Variants in UHRF1 observed in about 807,000 individuals in gnomAD.
The protein encoded by UHRF1 is ubiquitin like with PHD and ring finger domains 1.
In UHRF1, 9 loss-of-function variants were observed where a neutral mutation model predicts 96.5. That is an observed-to-expected ratio of 0.09 (90% confidence interval 0.06 to 0.16). The LOEUF (loss-of-function observed/expected upper bound fraction) is 0.16, where lower values mean the gene tolerates loss of function less well. UHRF1 is among the 10% of genes least tolerant of loss of function. The pLI, the probability that UHRF1 is intolerant of heterozygous loss-of-function variation, is 1.00. For synonymous variants in UHRF1, 455 were observed against 469.9 expected (o/e 0.97, Z 0.41); for missense variants, 626 against 1,131.1 (o/e 0.55, Z 6.40).
At chr19:4,934,839 A>T (rs1341498917) in intron 5 of UHRF1, among the ~76,000 whole-genome samples, 1 of 151,888 alleles carries the variant, frequency 6.6e-6, no homozygotes, top group Non-Finnish European at 1.5e-5. Flanking sequence ...CTCCTCACTG[A>T]GTCTGGGCCT....
chr19:4,947,316 G>A, intron 11 of UHRF1, 105 bp downstream of exon 11: 1 of 1,050,330 alleles, frequency 9.5e-7, no homozygotes. Flanking sequence ...TTAGGAGCGT[G>A]GTAGAACATA....
intron 15 of UHRF1, among the ~76,000 whole-genome samples, chr19:4,955,565 C>T (rs1215791747): frequency 2.0e-5 from 3 of 152,078 alleles, no homozygotes; most frequent in Non-Finnish European, 2.9e-5. Flanking sequence ...TCAGCTGTGG[C>T]CGAGGCCATC....
rs538818267 is a variant in UHRF1 at position 4,927,055 on chromosome 19, C to T, written c.154-2167C>T. Among the ~76,000 whole-genome samples, 21 of 151,546 alleles carry T rather than the reference C, an allele frequency of 1.4e-4. No homozygotes were observed. The East Asian group carries it at 1.9e-3, about 14-fold the overall frequency. On this transcript the variant is annotated intron_variant, in intron 2 of 16. Coordinates refer to ENST00000650932, the MANE Select transcript of UHRF1 (RefSeq NM_001048201.3). ...CAGCCTGGGCGACAGAGCAAGATTC[C>T]GCCTCAAAACAAAAAACAAAACAAA...
At chr19:4,911,161 C>G (rs992031933) in intron 2 of UHRF1, 123 bp downstream of exon 2, 7 of 947,096 alleles carry the variant, frequency 7.4e-6, no homozygotes, top group Non-Finnish European at 1.5e-6. Flanking sequence ...CCCACTTCAT[C>G]TCTCCCGGAA....
upstream of UHRF1, among the ~76,000 whole-genome samples, chr19:4,905,669 C>T (rs2032052040): frequency 6.6e-6 from 1 of 151,982 alleles, no homozygotes; most frequent in Non-Finnish European, 1.5e-5. Flanking sequence ...AGGCACGTGC[C>T]ACCACATCTG....
At chr19:4,908,510 C>CT (rs2032122137), upstream of UHRF1, among the ~76,000 whole-genome samples, 1 of 152,124 alleles carries the variant, frequency 6.6e-6, no homozygotes, top group African/African-American at 2.4e-5. Context: ...CAGCCCCTTC[C>CT]TGCTCCCTGG....
chr19:4,927,088 A>C (rs1337536044), intron 2 of UHRF1, among the ~76,000 whole-genome samples: 3 of 150,554 alleles, frequency 2.0e-5, no homozygotes, highest in Non-Finnish European at 3.0e-5. Flanking sequence ...AAAACAAAAC[A>C]AAAAAAAACA....
upstream of UHRF1, among the ~76,000 whole-genome samples, chr19:4,907,460 G>T (rs1796990253): frequency 6.6e-6 from 1 of 151,974 alleles, no homozygotes; most frequent in African/African-American, 2.4e-5. Flanking sequence ...GTAGAGATGG[G>T]GTTTCACCAT....
chr19:4,955,507 T>C (rs895593096), intron 15 of UHRF1, among the ~76,000 whole-genome samples: 2 of 151,956 alleles, frequency 1.3e-5, no homozygotes, highest in African/African-American at 2.4e-5. Flanking sequence ...CTGCCATTTC[T>C]CCTCTGCTGT....
At chr19:4,909,331 AGCCGTGGCCCACTAGGCGGAGGC>A (rs2032151921), upstream of UHRF1, 1 of 580,112 alleles carries the variant, frequency 1.7e-6, no homozygotes. Flanking sequence ...GGCTGGGCGG[AGCCGTGGCCCACTAGGCGGAGGC>A]GCCGTGGACA....
chr19:4,943,219 A>G (rs2033459307), intron 7 of UHRF1, among the ~76,000 whole-genome samples: 1 of 151,968 alleles, frequency 6.6e-6, no homozygotes, highest in Admixed American at 6.6e-5. Flanking sequence ...AAGCCTGGCG[A>G]CAGAGTGAGA....
chr19:4,922,657 T>C (rs546557406), intron 2 of UHRF1, among the ~76,000 whole-genome samples: 1 of 152,344 alleles, frequency 6.6e-6, no homozygotes, highest in African/African-American at 2.4e-5. Flanking sequence ...GCTTCCTCCT[T>C]CGCGCTTCGG....
Position 4,954,573 on chromosome 19 carries a change from G to A in UHRF1, c.1958-77G>A. The A allele has an allele frequency of 6.3e-7, 1 of 1,589,248 alleles. No individual in the cohort carries two copies. The highest frequency in any genetic ancestry group is 8.6e-7 in the Non-Finnish European group (1 of 1,166,362). On this transcript the variant is annotated intron_variant, in intron 14 of 16. Coordinates refer to ENST00000650932, the MANE Select transcript of UHRF1 (RefSeq NM_001048201.3). This position sits in a 1 kb window ranked among gnomAD's most constrained non-coding sequence, Gnocchi z 5.9. ...CGCGGGTGTGGGGTTGAGGTCGTGT[G>A]GACGTGGGAGCCGGTGGCTGTCTCT... is the stretch of plus-strand genomic sequence containing the variant.
intron 16 of UHRF1, among the ~76,000 whole-genome samples, chr19:4,959,608 C>T (rs969457560): frequency 5.3e-5 from 8 of 152,260 alleles, no homozygotes; most frequent in Admixed American, 1.3e-4. Flanking sequence ...CTTCCCCAGG[C>T]ACGACTTGGT....
intron 15 of UHRF1, among the ~76,000 whole-genome samples, chr19:4,955,678 C>T (rs373712142): frequency 1.6e-4 from 24 of 152,230 alleles, no homozygotes; most frequent in African/African-American, 5.5e-4. Flanking sequence ...CCTAGACCTT[C>T]ACTTGTGTCT....
At chr19:4,932,714 G>C (rs1387937109) in intron 4 of UHRF1, 27 bp from the exon 5 acceptor site, 1 of 1,611,062 alleles carries the variant, frequency 6.2e-7, no homozygotes, top group Non-Finnish European at 8.5e-7. Flanking sequence ...CTTAGCACGG[G>C]GTCTAAGGCC....
At chr19:4,912,257 G>A (rs917505225) in intron 2 of UHRF1, among the ~76,000 whole-genome samples, 1 of 152,186 alleles carries the variant, frequency 6.6e-6, no homozygotes, top group Non-Finnish European at 1.5e-5. Context: ...GAGGAGCTCC[G>A]CCTGGCGCTC....
In UHRF1 at chr19:4,930,939, G is replaced by A; in HGVS notation, c.569+63G>A. 36 of 1,595,764 alleles carry A rather than the reference G, an allele frequency of 2.3e-5. No individual in the cohort carries two copies. The highest frequency in any genetic ancestry group is 3.1e-5 in the Non-Finnish European group (36 of 1,168,860). On this transcript the variant is annotated intron_variant, in intron 4 of 16. Transcript: ENST00000650932. The surrounding 1 kb of genome is among the most constrained non-coding windows in gnomAD (Gnocchi z 4.4). Reference sequence around the variant, plus strand: ...CTCTGTGACGCGCATCCTTGGCTGCGGGTGTTCAGGCCAGAGCTTGGCACT... The same window carrying A: ...CTCTGTGACGCGCATCCTTGGCTGCAGGTGTTCAGGCCAGAGCTTGGCACT...
intron 1 of UHRF1, among the ~76,000 whole-genome samples, chr19:4,904,460 T>C (rs1463128867): frequency 3.3e-5 from 5 of 152,186 alleles, no homozygotes; most frequent in African/African-American, 1.2e-4. Context: ...ATTACAGGCG[T>C]GAGCCACCGC....
Sources: allele counts gnomAD v4.1 joint callset (sites outside exome capture counted in the v4.1 genomes callset), GRCh38; gene constraint gnomAD v4.1.1; non-coding constraint Gnocchi (gnomAD v3.1); transcripts MANE v1.5; gene names NCBI Gene and HGNC (gene_info 2026-07-23, HGNC 2026-07-21).